Variants in DLGAP2 observed in about 807,000 individuals in gnomAD.
The protein encoded by DLGAP2 is DLG associated protein 2, also known as disks large-associated protein 2.
DLGAP2 carries 26 observed loss-of-function variants against 100.3 expected under a neutral mutation model. The ratio of observed to expected loss-of-function variants is 0.26; its 90% CI spans 0.19 to 0.36. The LOEUF (loss-of-function observed/expected upper bound fraction) is 0.36, where lower values mean the gene tolerates loss of function less well. Ranked by LOEUF, DLGAP2 falls within the 10% of genes least tolerant of loss-of-function variation. The pLI is 1.00. For missense variants in DLGAP2, 1,858 were observed against 1,453.2 expected, an observed-to-expected ratio of 1.28 and a Z score of -4.53; for synonymous variants, 886 against 630.1, an observed-to-expected ratio of 1.41 and a Z score of -6.08.
At chr8:1,286,085 T>C (rs887954000) in intron 3 of DLGAP2, among the ~76,000 whole-genome samples, 5 of 152,228 alleles carry the variant, frequency 3.3e-5, no homozygotes, top group Non-Finnish European at 7.4e-5. Context: ...TCGCTGTGTG[T>C]CAAGGGCAGG....
At chr8:829,160 T>C (rs921120606) in intron 1 of DLGAP2, among the ~76,000 whole-genome samples, 1 of 152,232 alleles carries the variant, frequency 6.6e-6, no homozygotes, top group Non-Finnish European at 1.5e-5. Flanking sequence ...AAGAACACTA[T>C]GAGATAACTG....
chr8:1,503,404 C>T lies in DLGAP2; in HGVS notation c.172+1973C>T, dbSNP rs138847790. 2.2e-3 allele frequency among the ~76,000 whole-genome samples: 342 copies of T among 152,238 alleles called. 3 individuals carry two copies. The highest frequency in any genetic ancestry group is 7.8e-3 in the African/African-American group (325 of 41,492). On this transcript the variant is annotated intron_variant, in intron 4 of 14. Coordinates refer to ENST00000637795, the MANE Select transcript of DLGAP2 (RefSeq NM_001346810.2). Reference sequence around the variant, plus strand: ...TTTGTTGTTTTGTGACTGCTCATTTCACATGGGGTAATGTCTTCTTGTTAC... The same window carrying T: ...TTTGTTGTTTTGTGACTGCTCATTTTACATGGGGTAATGTCTTCTTGTTAC...
chr8:1,027,620 G>T (rs1486282630), intron 2 of DLGAP2, among the ~76,000 whole-genome samples: 13 of 146,944 alleles, frequency 8.8e-5, no homozygotes, highest in African/African-American at 3.3e-4. Flanking sequence ...CAGGTGGGGT[G>T]TCAGGCGCCC....
chr8:1,044,613 ATGTATCCCAGGGTCTCCTC>A (rs1353438225), intron 2 of DLGAP2, among the ~76,000 whole-genome samples: 1 of 152,212 alleles, frequency 6.6e-6, no homozygotes, highest in African/African-American at 2.4e-5. Context: ...TTTCTCCCGC[ATGTATCCCAGGGTCTCCTC>A]TCCCATCCTT....
chr8:920,403 C>G (rs4735958), intron 2 of DLGAP2, among the ~76,000 whole-genome samples: 140,992 of 152,348 alleles, frequency 0.93, 65,717 homozygotes, highest in African/African-American at 0.98. Flanking sequence ...TCCCTTTCTA[C>G]GGAGCAGAGT....
chr8:844,343 A>G (rs147533230), intron 1 of DLGAP2, among the ~76,000 whole-genome samples: 102 of 152,354 alleles, frequency 6.7e-4, no homozygotes, highest in African/African-American at 2.4e-3. Context: ...ACAGCCACTC[A>G]GTTTTCATGA....
intron 1 of DLGAP2, among the ~76,000 whole-genome samples, chr8:795,220 G>T (rs938531567): frequency 2.5e-4 from 38 of 152,280 alleles, no homozygotes; most frequent in African/African-American, 8.4e-4. Flanking sequence ...TCTAGCCAGG[G>T]CAATTTTGTC....
At chr8:981,867 T>G (rs189014572) in intron 2 of DLGAP2, among the ~76,000 whole-genome samples, 2 of 152,374 alleles carry the variant, frequency 1.3e-5, no homozygotes, top group African/African-American at 4.8e-5. Context: ...CTATGAATCC[T>G]CTTTCCACAA....
intron 2 of DLGAP2, among the ~76,000 whole-genome samples, chr8:1,244,717 G>A (rs1354573200): frequency 1.3e-5 from 2 of 152,226 alleles, no homozygotes; most frequent in East Asian, 3.9e-4. Flanking sequence ...ATTAAGCAGT[G>A]GTTTCTTAGA....
chr8:1,388,241 T>C (rs1430356243), intron 3 of DLGAP2, among the ~76,000 whole-genome samples: 1 of 114,726 alleles, frequency 8.7e-6, no homozygotes, highest in Non-Finnish European at 1.8e-5. Flanking sequence ...GTCAGGGCTG[T>C]AAGAGGCAGA....
chr8:1,462,564 G>C (rs994664266), intron 3 of DLGAP2, among the ~76,000 whole-genome samples: 1 of 152,004 alleles, frequency 6.6e-6, no homozygotes, highest in Admixed American at 6.6e-5. Context: ...CGGTGTTCAG[G>C]TTGGGAGAAG....
intron 1 of DLGAP2, among the ~76,000 whole-genome samples, chr8:874,889 T>C (rs1797661144): frequency 6.6e-6 from 1 of 152,216 alleles, no homozygotes; most frequent in South Asian, 2.1e-4. Context: ...TGCTCTGTTG[T>C]TAAGGTGCAT....
chr8:1,470,064 A>C (rs530786770), intron 3 of DLGAP2, among the ~76,000 whole-genome samples: 2 of 151,974 alleles, frequency 1.3e-5, no homozygotes, highest in Admixed American at 1.3e-4. Context: ...CATGAGGTTG[A>C]GGCAGGAGGA....
chr8:1,356,204 C>A (rs1801846945), intron 3 of DLGAP2, among the ~76,000 whole-genome samples: 1 of 152,088 alleles, frequency 6.6e-6, no homozygotes, highest in African/African-American at 2.4e-5. Flanking sequence ...TGGAGAGGCT[C>A]CCTTTGAAAG....
rs1801802161 is a variant in DLGAP2 at position 1,026,428 on chromosome 8, C to A, written c.73+118462C>A. ...GAGGACGCCCGCCGCCTTGGCTGCA[C>A]CCTGGAATGCCTTGCACTGGGCCCC... On this transcript the variant is annotated intron_variant, in intron 2 of 14. Coordinates refer to ENST00000637795, the MANE Select transcript of DLGAP2 (RefSeq NM_001346810.2). 2.0e-5 allele frequency among the ~76,000 whole-genome samples: 3 copies of A among 152,208 alleles called. No homozygotes were observed. In the South Asian group the frequency reaches 6.2e-4, roughly 32 times the overall value.
intron 2 of DLGAP2, among the ~76,000 whole-genome samples, chr8:997,724 C>G (rs1304470507): frequency 6.6e-6 from 1 of 152,092 alleles, no homozygotes; most frequent in Non-Finnish European, 1.5e-5. Context: ...AAATTTAAAA[C>G]AATATAATTT....
intron 3 of DLGAP2, among the ~76,000 whole-genome samples, chr8:1,419,306 A>G (rs112447320): frequency 1.5e-4 from 15 of 102,388 alleles, no homozygotes; most frequent in African/African-American, 5.0e-4. Context: ...GTGGGATACT[A>G]TGTTACACTC....
Position 1,374,069 on chromosome 8 carries a change from C to G in DLGAP2, c.106+115186C>G, listed in dbSNP as rs75161437. ...GTGGAGGTTAGGTTAGGTTTGCAGACGGCTGTGTGGTGGAGGTTAGGTTAG... is the reference window on the plus strand; with the variant it reads ...GTGGAGGTTAGGTTAGGTTTGCAGAGGGCTGTGTGGTGGAGGTTAGGTTAG... On this transcript the variant is annotated intron_variant, in intron 3 of 14. Coordinates refer to ENST00000637795, the MANE Select transcript of DLGAP2 (RefSeq NM_001346810.2). 1.2e-3 allele frequency among the ~76,000 whole-genome samples: 158 copies of G among 136,528 alleles called. 1 individual carries two copies. Among genetic ancestry groups the G allele is most frequent in the Middle Eastern group, 3.9e-3 (1 of 254 alleles). 89.6% of individuals were successfully genotyped at this position (136,528 alleles called of 152,430 possible). A position where few individuals can be genotyped will look rare whatever the true frequency, so the allele number is the denominator to read the frequency against.
At chr8:1,121,941 C>T (rs762610262) in intron 2 of DLGAP2, among the ~76,000 whole-genome samples, 12 of 152,226 alleles carry the variant, frequency 7.9e-5, no homozygotes, top group Non-Finnish European at 1.5e-4. Context: ...TAATGGGAGA[C>T]AGACCCTCCT....
Sources: gnomAD v4.1 joint callset for allele counts (sites outside exome capture counted in the v4.1 genomes callset) on GRCh38, gnomAD v4.1.1 for gene constraint, MANE v1.5 for transcripts, NCBI Gene and HGNC (gene_info 2026-07-23, HGNC 2026-07-21) for gene names.